Variants in LIPI observed in about 807,000 individuals in gnomAD.
LIPI encodes the protein lipase I.
A neutral mutation model predicts 50.6 loss-of-function variants in LIPI; 59 were observed. The observed-to-expected ratio is 1.16, with a 90% CI of 0.94 to 1.45. The LOEUF is 1.45. LIPI is among the 40% of genes most tolerant of loss of function. The pLI, the probability that LIPI is intolerant of heterozygous loss-of-function variation, is 0.00. For missense variants in LIPI, 586 were observed against 536.3 expected (o/e 1.09, Z -0.92); for synonymous variants, 203 against 178.2 (o/e 1.14, Z -1.11).
chr21:14,139,179 A>G (rs978818911), intron 9 of LIPI, among the ~76,000 whole-genome samples: 1 of 152,140 alleles, frequency 6.6e-6, no homozygotes, highest in Non-Finnish European at 1.5e-5. Flanking sequence ...TCCAAATTGT[A>G]TACTATACCC....
chr21:14,160,159 T>C (rs9974739), intron 7 of LIPI, among the ~76,000 whole-genome samples: 40,318 of 150,834 alleles, frequency 0.27, 5,546 homozygotes, highest in Middle Eastern at 0.33. Context: ...GTACATACAC[T>C]AGAAGATCTA....
Position 14,144,765 on chromosome 21 carries a change from T to C in LIPI, c.1153A>G (p.Lys385Glu). 1.3e-6 allele frequency: 2 copies of C among 1,581,962 alleles called. No individual in the cohort carries two copies. Among genetic ancestry groups the C allele is most frequent in the Admixed American group, 3.3e-5 (2 of 59,796 alleles). The change falls in exon 9 of 10, where the codon AAG (lysine) becomes GAG (glutamate). Residue 385 changes from lysine (K) to glutamate (E), a missense_variant. Physicochemically the swap from Lys to Glu is moderately conservative, Grantham distance 56. Transcript: ENST00000681601. ...NKPFYKLQEVKILAQFYNDFV... is the reference protein window; with the variant it reads ...NKPFYKLQEVEILAQFYNDFV... ...TCATTATAAAATTGAGCAAGAATCT[T>C]GACTTCTTGAAGTTTATAAAATGGT...
chr21:14,203,271 T>C (rs1187418922), intron 1 of LIPI, among the ~76,000 whole-genome samples: 1 of 152,094 alleles, frequency 6.6e-6, no homozygotes, highest in Non-Finnish European at 1.5e-5. Context: ...TGGAAGTCAG[T>C]GTGGCGATTC....
chr21:14,152,581 C>G lies in LIPI; in HGVS notation c.1110G>C (p.Arg370Ser), dbSNP rs1410369730. The change falls in exon 8 of 10, where the codon AGG becomes AGC. Residue 370 changes from arginine to serine, a missense_variant. Coordinates refer to ENST00000681601, the MANE Select transcript of LIPI (RefSeq NM_001302998.2). ...LNQLGMIEEP[R>S]LYEKNKPFYK... ...TAGTAAATTTTACTTACTCATAAAGCCTTGGCTCTTCAATCATTCCAAGCT... is the reference window on the plus strand; with the variant it reads ...TAGTAAATTTTACTTACTCATAAAGGCTTGGCTCTTCAATCATTCCAAGCT... 2 of 1,535,970 alleles carry G rather than the reference C, an allele frequency of 1.3e-6. No individual in the cohort carries two copies. Among genetic ancestry groups the G allele is most frequent in the East Asian group, 2.3e-5 (1 of 44,138 alleles).
chr21:14,141,283 T>A (rs1045437522), intron 9 of LIPI, among the ~76,000 whole-genome samples: 3 of 152,082 alleles, frequency 2.0e-5, no homozygotes, highest in African/African-American at 7.2e-5. Flanking sequence ...TTTCTCTATT[T>A]TTATATCTCC....
At position 14,144,686 on chromosome 21, in the gene LIPI, T is replaced by C; in HGVS notation, c.1232A>G (p.Gln411Arg). The C allele has an allele frequency of 1.3e-6, 2 of 1,585,672 alleles. No homozygotes were observed. The highest frequency in any genetic ancestry group is 1.7e-6 in the Non-Finnish European group (2 of 1,154,550). The stretch of plus-strand genomic sequence containing the variant: ...GATCTTGTATGTGCATGTGGAACAC[T>C]GCAGATTTGAGCTCTGGAAATATGT... Reference protein sequence around the residue: ...GLTYFQSSNLQCSTCTYKIQS... With the variant: ...GLTYFQSSNLRCSTCTYKIQS... Residue 411 changes from glutamine (Q) to arginine (R), a missense_variant, in exon 9 of 10, where the codon CAG becomes CGG. Physicochemically the swap from Gln to Arg is conservative, Grantham distance 43. Transcript: ENST00000681601.
chr21:14,191,089 C>CA (rs2019653775), intron 1 of LIPI, among the ~76,000 whole-genome samples: 1 of 151,700 alleles, frequency 6.6e-6, no homozygotes, highest in Admixed American at 6.6e-5. Context: ...GTAAAAAATA[C>CA]AAAAATTAGC....
At chr21:14,146,507 C>T (rs1318000021) in intron 8 of LIPI, among the ~76,000 whole-genome samples, 1 of 152,106 alleles carries the variant, frequency 6.6e-6, no homozygotes, top group African/African-American at 2.4e-5. Flanking sequence ...AACCTTCAAA[C>T]CCAGGGCACC....
intron 7 of LIPI, among the ~76,000 whole-genome samples, chr21:14,158,612 T>C (rs939155687): frequency 6.7e-6 from 1 of 148,168 alleles, no homozygotes; most frequent in African/African-American, 2.5e-5. Flanking sequence ...TTAAAATATA[T>C]ATATGTGTGT....
intron 7 of LIPI, among the ~76,000 whole-genome samples, chr21:14,161,172 T>G (rs1259740192): frequency 6.6e-6 from 1 of 151,102 alleles, no homozygotes; most frequent in African/African-American, 2.4e-5. Context: ...ATACACTATA[T>G]TCAAGCAGCT....
chr21:14,130,979 C>A (rs2017270928), intron 9 of LIPI, among the ~76,000 whole-genome samples: 1 of 152,150 alleles, frequency 6.6e-6, no homozygotes, highest in Non-Finnish European at 1.5e-5. Flanking sequence ...GAGACGGAGT[C>A]TTGCTCTGTC....
intron 1 of LIPI, among the ~76,000 whole-genome samples, chr21:14,194,288 A>T (rs1261295397): frequency 6.6e-6 from 1 of 152,188 alleles, no homozygotes; most frequent in East Asian, 1.9e-4. Context: ...TTATCCAGCA[A>T]TTCCACTTCT....
intron 9 of LIPI, among the ~76,000 whole-genome samples, chr21:14,114,515 C>T (rs192270758): frequency 1.3e-5 from 2 of 152,320 alleles, no homozygotes; most frequent in African/African-American, 2.4e-5. Flanking sequence ...TTCCAATTTA[C>T]CCTTCTCTGG....
At chr21:14,118,056 G>C (rs1054149899) in intron 9 of LIPI, among the ~76,000 whole-genome samples, 1 of 151,810 alleles carries the variant, frequency 6.6e-6, no homozygotes, top group Non-Finnish European at 1.5e-5. Flanking sequence ...CAAGCAAAGA[G>C]GGCATTGGAA....
intron 1 of LIPI, among the ~76,000 whole-genome samples, chr21:14,200,464 T>G (rs1482816346): frequency 6.6e-6 from 1 of 151,748 alleles, no homozygotes; most frequent in Non-Finnish European, 1.5e-5. Flanking sequence ...ACCAACAAAG[T>G]CAAGCCTAGA....
intron 7 of LIPI, among the ~76,000 whole-genome samples, chr21:14,154,260 T>C (rs911464143): frequency 1.3e-5 from 2 of 152,034 alleles, no homozygotes; most frequent in African/African-American, 2.4e-5. Flanking sequence ...AAAAAGTGTA[T>C]CTGAAAACAA....
At chr21:14,192,473 A>G (rs1243895998) in intron 1 of LIPI, among the ~76,000 whole-genome samples, 1 of 152,198 alleles carries the variant, frequency 6.6e-6, no homozygotes, top group Non-Finnish European at 1.5e-5. Context: ...CAAAACAAAC[A>G]AAGAAACAAA....
intron 9 of LIPI, among the ~76,000 whole-genome samples, chr21:14,124,398 A>G (rs1398413916): frequency 1.3e-5 from 2 of 152,008 alleles, no homozygotes; most frequent in Non-Finnish European, 2.9e-5. Context: ...TAGTGTAGCA[A>G]CCTCACCCAC....
chr21:14,185,915 T>C (rs766296328), intron 3 of LIPI, 46 bp downstream of exon 3: 14 of 1,097,308 alleles, frequency 1.3e-5, no homozygotes, highest in Middle Eastern at 5.4e-4. Flanking sequence ...TAACTTCTGA[T>C]ACTTAAAAGT....
Sources: gnomAD v4.1 joint callset for allele counts (sites outside exome capture counted in the v4.1 genomes callset) on GRCh38, gnomAD v4.1.1 for gene constraint, MANE v1.5 for transcripts, NCBI Gene and HGNC (gene_info 2026-07-23, HGNC 2026-07-21) for gene names.